MAML3: variants seen among roughly 807,000 people sequenced by gnomAD.
MAML3 encodes mastermind like transcriptional coactivator 3, also known as mastermind-like protein 3.
In MAML3, 27 loss-of-function variants were observed where a neutral mutation model predicts 101.9. That is an observed-to-expected ratio of 0.27 (90% CI 0.20 to 0.37). The LOEUF (loss-of-function observed/expected upper bound fraction) is 0.37. MAML3 is among the 10% of genes least tolerant of loss of function. The pLI, the probability that MAML3 is intolerant of heterozygous loss-of-function variation, is 1.00. For missense variants in MAML3, 1,316 were observed against 1,444.9 expected (o/e 0.91, Z 1.45); for synonymous variants, 501 against 555.9 (o/e 0.90, Z 1.39).
At chr4:139,988,326 C>CAAAAAAAAAAA (rs764018702) in intron 1 of MAML3, among the ~76,000 whole-genome samples, 1 of 81,954 alleles carries the variant, frequency 1.2e-5, no homozygotes, top group Admixed American at 1.4e-4. Flanking sequence ...GACTCCGTCT[C>CAAAAAAAAAAA]AAAAAAAAAA....
intron 2 of MAML3, among the ~76,000 whole-genome samples, chr4:139,774,739 G>A (rs1730060821): frequency 6.6e-6 from 1 of 152,192 alleles, no homozygotes; most frequent in African/African-American, 2.4e-5. Context: ...AATCTTAGAC[G>A]TGAATTATTC....
At position 139,941,861 on chromosome 4, in the gene MAML3, C is replaced by T. The variant is rs140139853; in HGVS notation, c.469-50894G>A. 5.3e-5 allele frequency among the ~76,000 whole-genome samples: 8 copies of T among 152,280 alleles called. No homozygotes were observed. The East Asian group carries it at 7.7e-4, about 15-fold the overall frequency. On this transcript the variant is annotated intron_variant, in intron 1 of 4. Coordinates refer to ENST00000509479, the MANE Select transcript of MAML3 (RefSeq NM_018717.5). ...GAAACCTTTAATACCAAGCCGGTCA[C>T]GATGGCTCACACCTATAATCCCAAC...
chr4:139,882,746 G>A (rs1732244861), intron 2 of MAML3, among the ~76,000 whole-genome samples: 1 of 152,136 alleles, frequency 6.6e-6, no homozygotes, highest in South Asian at 2.1e-4. Context: ...CTACTCAGGA[G>A]CCTGAGGCAG....
chr4:139,859,416 A>G (rs1402581751), intron 2 of MAML3, among the ~76,000 whole-genome samples: 2 of 149,514 alleles, frequency 1.3e-5, no homozygotes, highest in Non-Finnish European at 3.0e-5. Flanking sequence ...TATATTGCTC[A>G]GGCTGGTCTA....
intron 2 of MAML3, among the ~76,000 whole-genome samples, chr4:139,775,230 TA>T (rs1217638266): frequency 6.6e-6 from 1 of 152,118 alleles, no homozygotes; most frequent in Non-Finnish European, 1.5e-5. Flanking sequence ...TGACTGCAGT[TA>T]CTCACACAAT....
chr4:140,072,781 G>A (rs927524345), intron 1 of MAML3, among the ~76,000 whole-genome samples: 2 of 152,180 alleles, frequency 1.3e-5, no homozygotes, highest in Non-Finnish European at 2.9e-5. Flanking sequence ...CTGTCAGGGG[G>A]TCCTGTAGCC....
At chr4:139,974,030 G>A (rs574986943) in intron 1 of MAML3, among the ~76,000 whole-genome samples, 1 of 151,980 alleles carries the variant, frequency 6.6e-6, no homozygotes, top group Admixed American at 6.5e-5. Flanking sequence ...TCAAAATGTG[G>A]TTGATGAATT....
chr4:139,881,832 C>T (rs1337251325), intron 2 of MAML3, among the ~76,000 whole-genome samples: 1 of 152,128 alleles, frequency 6.6e-6, no homozygotes, highest in Admixed American at 6.5e-5. Context: ...CTCTGAGTAG[C>T]TGGGACAACA....
chr4:139,922,366 C>T (rs1733145544), intron 1 of MAML3, among the ~76,000 whole-genome samples: 1 of 151,966 alleles, frequency 6.6e-6, no homozygotes, highest in Admixed American at 6.6e-5. Context: ...ATATCAAAGG[C>T]GATGGAGAGA....
intron 1 of MAML3, among the ~76,000 whole-genome samples, chr4:139,964,731 T>C (rs1734093627): frequency 6.6e-6 from 1 of 152,162 alleles, no homozygotes. Flanking sequence ...TAATTTTATT[T>C]TCTGTTTTAT....
At chr4:139,950,755 G>A (rs1005763314) in intron 1 of MAML3, among the ~76,000 whole-genome samples, 1 of 152,186 alleles carries the variant, frequency 6.6e-6, no homozygotes, top group African/African-American at 2.4e-5. Context: ...CCTGGTCTGT[G>A]TAAGTCCCCA....
chr4:140,102,183 G>T (rs1487702423), intron 1 of MAML3, among the ~76,000 whole-genome samples: 1 of 152,204 alleles, frequency 6.6e-6, no homozygotes, highest in Non-Finnish European at 1.5e-5. Flanking sequence ...GGCATGAATT[G>T]AGGCACTATA....
chr4:139,875,681 G>A (rs1036185266), intron 2 of MAML3, among the ~76,000 whole-genome samples: 1 of 152,026 alleles, frequency 6.6e-6, no homozygotes, highest in African/African-American at 2.4e-5. Flanking sequence ...CATGAATAAG[G>A]GCGTTCCTTT....
intron 2 of MAML3, among the ~76,000 whole-genome samples, chr4:139,742,234 C>T (rs543476748): frequency 3.9e-5 from 6 of 151,952 alleles, no homozygotes; most frequent in Non-Finnish European, 7.4e-5. Context: ...CTGCAACCTC[C>T]GCCTCCCGGG....
rs368426939 is a variant in MAML3 at position 140,116,835 on chromosome 4, G to A, written c.468+36025C>T. Among the ~76,000 whole-genome samples the A allele has an allele frequency of 7.2e-5, 11 of 152,280 alleles. No individual in the cohort carries two copies. In the South Asian group the frequency reaches 2.3e-3, roughly 32 times the overall value. On this transcript the variant is annotated intron_variant, in intron 1 of 4. Coordinates refer to ENST00000509479, the MANE Select transcript of MAML3 (RefSeq NM_018717.5). ...TTGATGACAAAAGATCAGCACTTGG[G>A]TTTCCATCTCCCTTCACAGATGAGA...
At chr4:139,933,130 A>T (rs1204858966) in intron 1 of MAML3, among the ~76,000 whole-genome samples, 2 of 152,188 alleles carry the variant, frequency 1.3e-5, no homozygotes, top group Non-Finnish European at 2.9e-5. Flanking sequence ...AAAGAAAGAA[A>T]GAGAAAAGAA....
chr4:139,802,325 T>A (rs980328), intron 2 of MAML3, among the ~76,000 whole-genome samples: 56,670 of 151,938 alleles, frequency 0.37, 10,829 homozygotes, highest in Admixed American at 0.43. Flanking sequence ...GCAGCAGGGT[T>A]AGGATCTATC....
chr4:139,974,705 T>C (rs1203839175), intron 1 of MAML3, among the ~76,000 whole-genome samples: 1 of 152,012 alleles, frequency 6.6e-6, no homozygotes, highest in South Asian at 2.1e-4. Context: ...CAAGATAATA[T>C]ATGGTGAAGT....
At chr4:139,935,372 G>A (rs982916117) in intron 1 of MAML3, among the ~76,000 whole-genome samples, 1 of 152,090 alleles carries the variant, frequency 6.6e-6, no homozygotes, top group African/African-American at 2.4e-5. Context: ...TATCTTTAAA[G>A]TTATAAATAA....
Sources: allele counts gnomAD v4.1 joint callset (sites outside exome capture counted in the v4.1 genomes callset), GRCh38; gene constraint gnomAD v4.1.1; transcripts MANE v1.5; gene names NCBI Gene and HGNC (gene_info 2026-07-23, HGNC 2026-07-21).